ZFHX3: variants seen among roughly 807,000 people sequenced by gnomAD.
The protein encoded by ZFHX3 is zinc finger homeobox protein 3.
ZFHX3 carries 42 observed loss-of-function variants against 279.1 expected under a neutral mutation model. That is an observed-to-expected ratio of 0.15 (90% CI 0.12 to 0.19). The LOEUF is 0.19. Among genes scored for constraint, ZFHX3 ranks in the 10% least tolerant of loss-of-function variants. The pLI is 1.00. For synonymous variants in ZFHX3, 2,293 were observed against 1,957.8 expected, an observed-to-expected ratio of 1.17 and a Z score of -4.52; for missense variants, 4,981 against 4,754.0, an observed-to-expected ratio of 1.05 and a Z score of -1.40.
intron 3 of ZFHX3, among the ~76,000 whole-genome samples, chr16:73,399,516 A>G (rs1009551407): frequency 6.6e-6 from 1 of 152,026 alleles, no homozygotes; most frequent in Non-Finnish European, 1.5e-5. Context: ...TATTCTCTCT[A>G]CCACACCTAT....
At chr16:73,509,374 A>G (rs1014683057) in intron 2 of ZFHX3, among the ~76,000 whole-genome samples, 2 of 151,032 alleles carry the variant, frequency 1.3e-5, no homozygotes, top group African/African-American at 4.9e-5. Flanking sequence ...TAAACAATCC[A>G]TCAGCCAGGC....
At chr16:73,842,839 C>T (rs905413769) in intron 1 of ZFHX3, among the ~76,000 whole-genome samples, 9 of 152,092 alleles carry the variant, frequency 5.9e-5, no homozygotes, top group Non-Finnish European at 7.4e-5. Flanking sequence ...CCCCACCCAC[C>T]GCCACCTCCC....
intron 7 of ZFHX3, among the ~76,000 whole-genome samples, chr16:72,801,000 T>C (rs1454038325): frequency 6.6e-6 from 1 of 152,238 alleles, no homozygotes; most frequent in Non-Finnish European, 1.5e-5. Flanking sequence ...CAGAAGCCTG[T>C]CCAAACAAGT....
intron 7 of ZFHX3, among the ~76,000 whole-genome samples, chr16:73,124,880 A>G (rs1189960947): frequency 1.3e-5 from 2 of 152,148 alleles, no homozygotes; most frequent in Non-Finnish European, 2.9e-5. Context: ...CTGCAGTGAC[A>G]TGGCTGGGAG....
Position 72,795,155 on chromosome 16 carries a change from G to A in ZFHX3, c.7527C>T (p.Leu2509=). 1 of 1,612,770 alleles carries A rather than the reference G, an allele frequency of 6.2e-7. No individual in the cohort carries two copies. The highest frequency in any genetic ancestry group is 8.5e-7 in the Non-Finnish European group (1 of 1,179,248). The change falls in exon 9 of 10, where the codon CTC becomes CTT. Residue 2509 remains leucine (L), a synonymous_variant. Transcript: ENST00000268489. ...PSPSQLSHLP[L]KPLHTSTPQQ... ...GAGGAGTTGATGTGTGGAGGGGCTT[G>A]AGGGGCAGGTGGGAGAGCTGGGAAG...
intron 2 of ZFHX3, among the ~76,000 whole-genome samples, chr16:73,567,312 C>T (rs1470945506): frequency 6.6e-6 from 1 of 152,002 alleles, no homozygotes; most frequent in African/African-American, 2.4e-5. Flanking sequence ...TCTAGGTAGA[C>T]ATGAATTCTG....
intron 5 of ZFHX3, among the ~76,000 whole-genome samples, chr16:73,235,887 T>G (rs2012931984): frequency 6.6e-6 from 1 of 152,134 alleles, no homozygotes; most frequent in African/African-American, 2.4e-5. Context: ...CCCAGGCTAG[T>G]CTTGAACTCC....
chr16:73,397,661 G>T (rs1406735408), intron 3 of ZFHX3, among the ~76,000 whole-genome samples: 1 of 152,164 alleles, frequency 6.6e-6, no homozygotes. Context: ...TGGGGATGTG[G>T]GAAAGGGCTG....
chr16:72,831,767 C>T (rs546956826), intron 4 of ZFHX3, among the ~76,000 whole-genome samples: 2 of 152,210 alleles, frequency 1.3e-5, no homozygotes, highest in Admixed American at 1.3e-4. Flanking sequence ...TTCGGTCTAC[C>T]CAGATGAGCT....
At chr16:73,572,353 G>A (rs987419378) in intron 2 of ZFHX3, among the ~76,000 whole-genome samples, 9 of 152,032 alleles carry the variant, frequency 5.9e-5, no homozygotes, top group Admixed American at 2.0e-4. Flanking sequence ...TTCTGTCCCC[G>A]GCCTGGCCAT....
intron 4 of ZFHX3, among the ~76,000 whole-genome samples, chr16:73,310,970 C>T (rs1335747905): frequency 1.3e-5 from 2 of 152,190 alleles, no homozygotes; most frequent in Non-Finnish European, 2.9e-5. Context: ...CAGTGGCTCA[C>T]GCCTGTAATC....
intron 3 of ZFHX3, among the ~76,000 whole-genome samples, chr16:73,383,353 G>T (rs1179719304): frequency 1.3e-5 from 2 of 152,170 alleles, no homozygotes; most frequent in East Asian, 3.9e-4. Context: ...GAAGCCCGAG[G>T]CAAAAAGCCG....
chr16:73,280,770 T>C (rs936479345), intron 4 of ZFHX3, among the ~76,000 whole-genome samples: 1 of 151,796 alleles, frequency 6.6e-6, no homozygotes, highest in Admixed American at 6.6e-5. Context: ...TTACCTGAGG[T>C]TGGGAGTTCA....
At chr16:73,185,597 G>T (rs1967892061) in intron 5 of ZFHX3, among the ~76,000 whole-genome samples, 1 of 152,194 alleles carries the variant, frequency 6.6e-6, no homozygotes, top group East Asian at 1.9e-4. Flanking sequence ...GGTTGGGGCT[G>T]TCAGTTTTAG....
At chr16:72,964,739 G>A (rs370444657) in intron 1 of ZFHX3, among the ~76,000 whole-genome samples, 8 of 151,766 alleles carry the variant, frequency 5.3e-5, no homozygotes, top group African/African-American at 1.9e-4. Flanking sequence ...GTTAGGTGTT[G>A]TGTTAAGACC....
intron 4 of ZFHX3, among the ~76,000 whole-genome samples, chr16:72,851,614 G>C (rs527303566): frequency 6.6e-6 from 1 of 151,960 alleles, no homozygotes; most frequent in African/African-American, 2.4e-5. Flanking sequence ...GACTGCAGTG[G>C]TGCAAGCTCT....
chr16:73,049,183 C>T (rs1376469658), upstream of ZFHX3, among the ~76,000 whole-genome samples: 1 of 152,186 alleles, frequency 6.6e-6, no homozygotes, highest in Admixed American at 6.5e-5. Flanking sequence ...GAAATCTCAC[C>T]GGAAGTCCTC....
At chr16:73,489,809 TC>T (rs549113333) in intron 2 of ZFHX3, among the ~76,000 whole-genome samples, 85 of 152,314 alleles carry the variant, frequency 5.6e-4, no homozygotes, top group African/African-American at 2.0e-3. Flanking sequence ...GGTTTTTTTT[TC>T]TGACTGAATA....
intron 5 of ZFHX3, among the ~76,000 whole-genome samples, chr16:73,156,843 A>T (rs1330147269): frequency 6.6e-6 from 1 of 151,944 alleles, no homozygotes; most frequent in Non-Finnish European, 1.5e-5. Flanking sequence ...CCTCCCGAGT[A>T]GCTGGGATTA....
Sources: gnomAD v4.1 joint callset for allele counts (sites outside exome capture counted in the v4.1 genomes callset) on GRCh38, gnomAD v4.1.1 for gene constraint, MANE v1.5 for transcripts, NCBI Gene and HGNC (gene_info 2026-07-23, HGNC 2026-07-21) for gene names.